Variants in CACNA1C observed in about 807,000 individuals in gnomAD.
CACNA1C encodes the protein voltage-dependent L-type calcium channel subunit alpha-1C.
In CACNA1C, 30 loss-of-function variants were observed where a neutral mutation model predicts 229.0. The ratio of observed to expected loss-of-function variants is 0.13; its 90% CI spans 0.10 to 0.18. The LOEUF (loss-of-function observed/expected upper bound fraction) is 0.18, where lower values mean the gene tolerates loss of function less well. CACNA1C is among the 10% of genes least tolerant of loss of function. The probability of loss-of-function intolerance (pLI) is 1.00; values close to 1 mark genes in which losing one functional copy is unlikely to be tolerated. For synonymous variants in CACNA1C, 1,114 were observed against 1,132.5 expected (o/e 0.98, Z 0.33); for missense variants, 1,658 against 2,845.0 (o/e 0.58, Z 9.49).
At chr12:2,524,588 C>T (rs2099815472) in intron 9 of CACNA1C, among the ~76,000 whole-genome samples, 1 of 152,182 alleles carries the variant, frequency 6.6e-6, no homozygotes, top group African/African-American at 2.4e-5. Flanking sequence ...GGAGTGTGAG[C>T]TGGGGATGGG....
At chr12:2,194,106 C>CCTCCTCCTCCTG (rs1000342090) in intron 3 of CACNA1C, among the ~76,000 whole-genome samples, 2 of 152,036 alleles carry the variant, frequency 1.3e-5, no homozygotes, top group African/African-American at 4.8e-5. Context: ...CCTGCCCCGT[C>CCTCCTCCTCCTG]CTCCTCCTCC....
intron 3 of CACNA1C, among the ~76,000 whole-genome samples, chr12:2,180,383 T>C (rs1024307046): frequency 6.6e-6 from 1 of 152,230 alleles, no homozygotes; most frequent in African/African-American, 2.4e-5. Flanking sequence ...GCCTGAGTGC[T>C]GGCAAGCCTG....
chr12:2,241,243 G>C (rs184369586), intron 3 of CACNA1C, among the ~76,000 whole-genome samples: 2 of 152,232 alleles, frequency 1.3e-5, no homozygotes, highest in East Asian at 3.9e-4. Context: ...TTGTCACATA[G>C]ATGATGTCAT....
chr12:2,350,650 T>C (rs1461131258), intron 3 of CACNA1C, among the ~76,000 whole-genome samples: 1 of 152,208 alleles, frequency 6.6e-6, no homozygotes, highest in African/African-American at 2.4e-5. Flanking sequence ...GAATGGCTGG[T>C]CACCCCCTCA....
At chr12:2,309,475 C>T (rs1057078615) in intron 3 of CACNA1C, among the ~76,000 whole-genome samples, 4 of 151,462 alleles carry the variant, frequency 2.6e-5, no homozygotes, top group African/African-American at 9.8e-5. Context: ...AGGCCTATGA[C>T]ACCACACACA....
chr12:2,453,115 G>A (rs1377370939), intron 4 of CACNA1C, among the ~76,000 whole-genome samples: 1 of 152,086 alleles, frequency 6.6e-6, no homozygotes, highest in African/African-American at 2.4e-5. Flanking sequence ...CTCGCTCAGA[G>A]GTCCAAGACA....
chr12:2,255,590 C>T (rs1801428369), intron 3 of CACNA1C, among the ~76,000 whole-genome samples: 2 of 152,310 alleles, frequency 1.3e-5, no homozygotes, highest in Non-Finnish European at 2.9e-5. Flanking sequence ...GGGGCACTTC[C>T]CAGTTTACTA....
rs1364225889 is a variant in CACNA1C at position 2,677,427 on chromosome 12, A to G, written c.4956+206A>G. 9.5e-6 allele frequency: 6 copies of G among 629,106 alleles called. No homozygotes were observed. Among genetic ancestry groups the G allele is most frequent in the East Asian group, 2.8e-5 (1 of 35,970 alleles). 39.0% of individuals were successfully genotyped at this position (629,106 alleles called of 1,614,324 possible). A position where few individuals can be genotyped will look rare whatever the true frequency, so the allele number is the denominator to read the frequency against. On this transcript the variant is annotated intron_variant, in intron 40 of 46. Transcript: ENST00000399655. This position sits in a 1 kb window ranked among gnomAD's most constrained non-coding sequence, Gnocchi z 7.4. ...ACCTGCCACCCACCGACTGCCCTCC[A>G]TGGTTCTGCCTGCTGTCATAGCCCC...
In CACNA1C at chr12:2,608,434, G is replaced by A; in HGVS notation, c.3357-77G>A. 2 of 1,108,712 alleles carry A rather than the reference G, an allele frequency of 1.8e-6. No homozygotes were observed. The highest frequency in any genetic ancestry group is 2.6e-6 in the Non-Finnish European group (2 of 772,178). 68.7% of individuals were successfully genotyped at this position (1,108,712 alleles called of 1,614,324 possible). Reference sequence around the variant, plus strand: ...CTGCACCCTGATCCCTGGGATCCCTGGAGCAGTGGTGCCGTCCTTCCGCAG... The same window carrying A: ...CTGCACCCTGATCCCTGGGATCCCTAGAGCAGTGGTGCCGTCCTTCCGCAG... On this transcript the variant is annotated intron_variant, in intron 26 of 46. Coordinates refer to ENST00000399655, the MANE Select transcript of CACNA1C (RefSeq NM_000719.7). This position sits in a 1 kb window ranked among gnomAD's most constrained non-coding sequence, Gnocchi z 4.2.
At chr12:2,550,732 CTG>C in intron 10 of CACNA1C, 1 of 1,196,980 alleles carries the variant, frequency 8.4e-7, no homozygotes, top group Non-Finnish European at 1.1e-6. Flanking sequence ...CCCTCCTCGT[CTG>C]TGGAATGATG....
chr12:2,654,911 G>A lies in CACNA1C; in HGVS notation c.4141-236G>A, dbSNP rs959587530. On this transcript the variant is annotated intron_variant, in intron 33 of 46. Transcript: ENST00000399655. This position sits in a 1 kb window ranked among gnomAD's most constrained non-coding sequence, Gnocchi z 4.4. ...AGCCCCAGCTCCCACTGGGCTGCAG[G>A]GACCTTCCTGAGGCTGTGGGCACTT... 6.6e-6 allele frequency among the ~76,000 whole-genome samples: 1 copy of A among 152,186 alleles called. No individual in the cohort carries two copies. Among genetic ancestry groups the A allele is most frequent in the Admixed American group, 6.5e-5 (1 of 15,290 alleles).
intron 3 of CACNA1C, among the ~76,000 whole-genome samples, chr12:2,272,357 T>A (rs1013667450): frequency 2.0e-5 from 3 of 152,204 alleles, no homozygotes; most frequent in African/African-American, 7.2e-5. Context: ...CCCTGAAGGC[T>A]TGTCCATGCC....
At chr12:2,139,755 T>A (rs550651559) in intron 3 of CACNA1C, among the ~76,000 whole-genome samples, 2 of 151,332 alleles carry the variant, frequency 1.3e-5, no homozygotes, top group East Asian at 3.9e-4. Flanking sequence ...GCCTCCTCAT[T>A]CTCTGCCTCC....
At chr12:2,424,066 T>C (rs2099005123) in intron 3 of CACNA1C, among the ~76,000 whole-genome samples, 1 of 151,866 alleles carries the variant, frequency 6.6e-6, no homozygotes, top group Non-Finnish European at 1.5e-5. Flanking sequence ...TGTGGTTCCA[T>C]ATGGATCAGT....
At chr12:2,023,116 T>G (rs2046746680) in intron 1 of CACNA1C, among the ~76,000 whole-genome samples, 1 of 152,186 alleles carries the variant, frequency 6.6e-6, no homozygotes, top group African/African-American at 2.4e-5. Flanking sequence ...TTGTTCTGGG[T>G]CTGCCATTAA....
At chr12:2,648,630 T>G in intron 31 of CACNA1C, 123 bp downstream of exon 31, 11 of 802,764 alleles carry the variant, frequency 1.4e-5, no homozygotes, top group Non-Finnish European at 2.0e-5. Flanking sequence ...ATGTGGCCAC[T>G]GTGTCTGCCG....
Position 2,348,257 on chromosome 12 carries a change from G to T in CACNA1C, c.478-100719G>T, listed in dbSNP as rs1485693969. ...CCTTCTGCTCACCGGAAGGGGGGCA[G>T]GTCTGCAGCCCCTCCCCCACTGCAG... On this transcript the variant is annotated intron_variant, in intron 3 of 46. Coordinates refer to ENST00000399655, the MANE Select transcript of CACNA1C (RefSeq NM_000719.7). This position sits in a 1 kb window ranked among gnomAD's most constrained non-coding sequence, Gnocchi z 4.7. Among the ~76,000 whole-genome samples the T allele has an allele frequency of 6.6e-6, 1 of 152,184 alleles. No homozygotes were observed. Among genetic ancestry groups the T allele is most frequent in the Non-Finnish European group, 1.5e-5 (1 of 68,028 alleles).
chr12:2,037,172 G>C (rs1035030993), intron 1 of CACNA1C, among the ~76,000 whole-genome samples: 1 of 152,178 alleles, frequency 6.6e-6, no homozygotes, highest in Non-Finnish European at 1.5e-5. Flanking sequence ...ATACATAGGA[G>C]TAAACAGAGC....
rs3062140 is a variant in CACNA1C, at chr12:2,602,630, TTGTG to T, written c.2960+707_2960+710del. On this transcript the variant is annotated intron_variant, in intron 22 of 46. Transcript: ENST00000399655. This position sits in a 1 kb window ranked among gnomAD's most constrained non-coding sequence, Gnocchi z 4.4. ...GTGTGTGACTGTGTATATTTGTGTC[TTGTG>T]TGTGTGTGTGTGTGTGTGTGTGTGT... 0.11 allele frequency among the ~76,000 whole-genome samples: 15,441 copies of T among 140,584 alleles called. 953 individuals are homozygous for T. The highest frequency in any genetic ancestry group is 0.17 in the Admixed American group (2,450 of 14,470). 92.2% of individuals were successfully genotyped at this position (140,584 alleles called of 152,430 possible).
Sources: gnomAD v4.1 joint callset for allele counts (sites outside exome capture counted in the v4.1 genomes callset) on GRCh38, gnomAD v4.1.1 for gene constraint, Gnocchi (gnomAD v3.1) non-coding constraint, MANE v1.5 for transcripts, NCBI Gene and HGNC (gene_info 2026-07-23, HGNC 2026-07-21) for gene names.